Variants in ABCA10 observed in about 807,000 individuals in gnomAD.
The protein encoded by ABCA10 is ATP-binding cassette sub-family A member 10.
A neutral mutation model predicts 187.5 loss-of-function variants in ABCA10; 169 were observed. That is an observed-to-expected ratio of 0.90 (90% confidence interval 0.80 to 1.02). ABCA10 has a LOEUF of 1.02. Ranked by LOEUF, ABCA10 falls within the 50% of genes least tolerant of loss-of-function variation. The probability of loss-of-function intolerance (pLI) is 0.00; values close to 1 mark genes in which losing one functional copy is unlikely to be tolerated. For synonymous variants in ABCA10, 574 were observed against 601.8 expected (o/e 0.95, Z 0.68); for missense variants, 1,727 against 1,812.4 (o/e 0.95, Z 0.86).
At chr17:69,161,171 A>G (rs574530828) in intron 27 of ABCA10, among the ~76,000 whole-genome samples, 27 of 152,340 alleles carry the variant, frequency 1.8e-4, no homozygotes, top group African/African-American at 6.0e-4. Flanking sequence ...CAGATACTTT[A>G]TGATTTCATG....
chr17:69,154,053 C>T, intron 31 of ABCA10, 44 bp from the exon 32 acceptor site: 6 of 1,592,356 alleles, frequency 3.8e-6, no homozygotes, highest in Non-Finnish European at 5.1e-6. Context: ...GGTTTTTGCT[C>T]CAATCCCCCT....
chr17:69,239,857 T>A (rs2074893811), intron 1 of ABCA10, among the ~76,000 whole-genome samples: 1 of 152,188 alleles, frequency 6.6e-6, no homozygotes, highest in Admixed American at 6.5e-5. Context: ...TTGAATTTAG[T>A]CATCTACTGT....
chr17:69,149,925 T>C, intron 37 of ABCA10, 59 bp downstream of exon 37: 2 of 1,305,298 alleles, frequency 1.5e-6, no homozygotes, highest in Non-Finnish European at 2.2e-6. Flanking sequence ...ATAGTCTATA[T>C]TCCACATGAA....
intron 11 of ABCA10, among the ~76,000 whole-genome samples, chr17:69,195,805 A>G (rs2074495896): frequency 6.6e-6 from 1 of 151,958 alleles, no homozygotes; most frequent in African/African-American, 2.4e-5. Flanking sequence ...AACAAAGCAC[A>G]TCTTGCACCG....
chr17:69,214,243 C>T (rs191687012), intron 9 of ABCA10, among the ~76,000 whole-genome samples: 6 of 152,274 alleles, frequency 3.9e-5, no homozygotes, highest in Admixed American at 2.6e-4. Flanking sequence ...CGGCCGGGCG[C>T]GGTGGCTCAC....
At chr17:69,185,387 C>A (rs2074413243) in intron 20 of ABCA10, 90 bp downstream of exon 20, 2 of 1,326,042 alleles carry the variant, frequency 1.5e-6, no homozygotes, top group South Asian at 1.9e-5. Flanking sequence ...GGATAGACAC[C>A]ATTTTTGTTT....
intron 9 of ABCA10, among the ~76,000 whole-genome samples, chr17:69,208,365 C>T (rs543485345): frequency 2.1e-5 from 3 of 139,646 alleles, no homozygotes; most frequent in Non-Finnish European, 4.5e-5. Flanking sequence ...TTGCAGCGAC[C>T]AAGATCGCGC....
chr17:69,227,813 C>T (rs1196114214), intron 1 of ABCA10, among the ~76,000 whole-genome samples: 1 of 151,892 alleles, frequency 6.6e-6, no homozygotes, highest in Non-Finnish European at 1.5e-5. Flanking sequence ...TTCTTAGAAT[C>T]CCAAAAAGCT....
At chr17:69,216,118 A>C (rs1394942462) in intron 7 of ABCA10, 99 bp downstream of exon 7, 1 of 1,544,748 alleles carries the variant, frequency 6.5e-7, no homozygotes, top group Non-Finnish European at 8.7e-7. Flanking sequence ...AATAGGATAG[A>C]AAATATAGTG....
At position 69,214,332 on chromosome 17, in the gene ABCA10, G is replaced by A. The variant is rs371264923; in HGVS notation, c.1006+372C>T. On this transcript the variant is annotated intron_variant, in intron 9 of 38. Coordinates refer to ENST00000690296, the MANE Select transcript of ABCA10 (RefSeq NM_001377321.1). ...AGATCGAGACCATCCCGGCTAAAACGGTGAAACCCCGTCTCTACTAAAAAT... is the reference window on the plus strand; with the variant it reads ...AGATCGAGACCATCCCGGCTAAAACAGTGAAACCCCGTCTCTACTAAAAAT... Among the ~76,000 whole-genome samples, 52 of 152,014 alleles carry A rather than the reference G, an allele frequency of 3.4e-4. No homozygotes were observed. In the East Asian group the frequency reaches 4.6e-3, roughly 14 times the overall value.
In ABCA10 at chr17:69,148,875, T is replaced by G; in HGVS notation, c.4584A>C (p.Lys1528Asn). Residue 1528 changes from lysine (K) to asparagine (N), a missense_variant, in exon 39 of 39, where the codon AAA becomes AAC. Lys to Asn is a moderately conservative substitution (Grantham distance 94). Transcript: ENST00000690296. ...GTTTCCATTCAACTGTTGTATCAAT[T>G]TTATCATCAACATTTCCCAGCTCCT... ...KEQELGNVDD[K>N]IDTTVEWKLL... 1 of 1,613,616 alleles carries G rather than the reference T, an allele frequency of 6.2e-7. No individual in the cohort carries two copies. The highest frequency in any genetic ancestry group is 2.2e-5 in the East Asian group (1 of 44,860).
intron 25 of ABCA10, among the ~76,000 whole-genome samples, chr17:69,170,351 T>C (rs1418462041): frequency 1.3e-5 from 2 of 151,858 alleles, no homozygotes; most frequent in African/African-American, 4.8e-5. Flanking sequence ...GAATGTATCT[T>C]TGACCATCTT....
chr17:69,177,530 C>A (rs2074342984), intron 22 of ABCA10, among the ~76,000 whole-genome samples: 1 of 152,116 alleles, frequency 6.6e-6, no homozygotes, highest in African/African-American at 2.4e-5. Context: ...GCATTTGAAT[C>A]CTTCACCATT....
At chr17:69,186,390 G>A (rs1360751141) in intron 19 of ABCA10, among the ~76,000 whole-genome samples, 1 of 152,104 alleles carries the variant, frequency 6.6e-6, no homozygotes, top group African/African-American at 2.4e-5. Flanking sequence ...TTATTCTGTT[G>A]AAGTAGATAA....
chr17:69,228,851 GT>G (rs2074813051), upstream of ABCA10: 1 of 151,850 alleles, frequency 6.6e-6, no homozygotes, highest in Non-Finnish European at 1.5e-5. Flanking sequence ...ATTGGTATTT[GT>G]TTATTGCTCT....
At chr17:69,206,821 GA>G (rs1285478902) in intron 9 of ABCA10, among the ~76,000 whole-genome samples, 5 of 152,074 alleles carry the variant, frequency 3.3e-5, no homozygotes, top group Non-Finnish European at 7.4e-5. Context: ...CTACTAGAAG[GA>G]AACGGGGGAG....
upstream of ABCA10, among the ~76,000 whole-genome samples, chr17:69,230,405 CTCAT>C (rs1462268312): frequency 6.6e-6 from 1 of 152,092 alleles, no homozygotes; most frequent in Admixed American, 6.6e-5. Flanking sequence ...AGACTTGTCA[CTCAT>C]TGTCTGTGTC....
At chr17:69,223,647 TTC>T (rs1232711163) in intron 3 of ABCA10, 2 of 446,518 alleles carry the variant, frequency 4.5e-6, no homozygotes, top group African/African-American at 4.1e-5. Flanking sequence ...CTCCTCATCC[TTC>T]CCAATATAGA....
At chr17:69,213,693 C>G (rs1378938867) in intron 9 of ABCA10, among the ~76,000 whole-genome samples, 4 of 152,212 alleles carry the variant, frequency 2.6e-5, no homozygotes, top group Non-Finnish European at 5.9e-5. Flanking sequence ...TGGCTGGGCC[C>G]TCCCCATCTG....
Sources: gnomAD v4.1 joint callset for allele counts (sites outside exome capture counted in the v4.1 genomes callset) on GRCh38, gnomAD v4.1.1 for gene constraint, MANE v1.5 for transcripts, NCBI Gene and HGNC (gene_info 2026-07-23, HGNC 2026-07-21) for gene names.